DCLK2: variants seen among roughly 807,000 people sequenced by gnomAD.
The protein encoded by DCLK2 is doublecortin like kinase 2.
A neutral mutation model predicts 78.4 loss-of-function variants in DCLK2; 31 were observed. The observed-to-expected ratio is 0.40, with a 90% CI of 0.30 to 0.53. The LOEUF is 0.53. DCLK2 is among the 20% of genes least tolerant of loss of function. The pLI is 0.61. For synonymous variants in DCLK2, 407 were observed against 374.9 expected, an observed-to-expected ratio of 1.09 and a Z score of -0.99; for missense variants, 872 against 973.7, an observed-to-expected ratio of 0.90 and a Z score of 1.39.
Position 150,222,824 on chromosome 4 carries a change from C to T in DCLK2, c.1241+1039C>T, listed in dbSNP as rs1398939445. On this transcript the variant is annotated intron_variant, in intron 7 of 15. Coordinates refer to ENST00000296550, the MANE Select transcript of DCLK2 (RefSeq NM_001040260.4). Reference sequence around the variant, plus strand: ...GAGGTTGCGGTGAGCCGAGATCGTGCCATTGCACTTCAGCCTGGGCAACAG... The same window carrying T: ...GAGGTTGCGGTGAGCCGAGATCGTGTCATTGCACTTCAGCCTGGGCAACAG... 2.0e-5 allele frequency among the ~76,000 whole-genome samples: 3 copies of T among 152,034 alleles called. 1 individual carries two copies. Among genetic ancestry groups the T allele is most frequent in the Non-Finnish European group, 4.4e-5 (3 of 67,988 alleles).
At chr4:150,160,984 G>A (rs968742979) in intron 2 of DCLK2, among the ~76,000 whole-genome samples, 7 of 152,032 alleles carry the variant, frequency 4.6e-5, no homozygotes, top group African/African-American at 1.5e-4. Context: ...ATCTGTCCCT[G>A]TAACTTAAAA....
chr4:150,196,210 C>T (rs1192686340), intron 3 of DCLK2, among the ~76,000 whole-genome samples: 1 of 152,150 alleles, frequency 6.6e-6, no homozygotes, highest in Non-Finnish European at 1.5e-5. Context: ...GTAACTACAT[C>T]CTCGATTAAT....
At chr4:150,125,955 T>C (rs1732895062) in intron 2 of DCLK2, among the ~76,000 whole-genome samples, 1 of 141,810 alleles carries the variant, frequency 7.1e-6, no homozygotes, top group Non-Finnish European at 1.5e-5. Context: ...TATAAAATAA[T>C]ATAAAAAGAA....
chr4:150,248,168 C>T (rs758416002), intron 13 of DCLK2, 137 bp from the exon 14 acceptor site: 3 of 675,860 alleles, frequency 4.4e-6, no homozygotes, highest in South Asian at 3.7e-5. Context: ...TAGGTATAAT[C>T]ACGTTTAGGT....
intron 2 of DCLK2, among the ~76,000 whole-genome samples, chr4:150,135,608 G>A (rs1733635593): frequency 1.3e-5 from 2 of 152,138 alleles, no homozygotes; most frequent in African/African-American, 2.4e-5. Flanking sequence ...TGATGTAAAA[G>A]GGGCACCTAA....
At chr4:150,151,289 G>T (rs926955651) in intron 2 of DCLK2, among the ~76,000 whole-genome samples, 24 of 152,150 alleles carry the variant, frequency 1.6e-4, no homozygotes, top group Admixed American at 1.3e-4. Flanking sequence ...ATTTGCAGAG[G>T]ACTCAGTGAA....
At chr4:150,154,363 C>T (rs952451886) in intron 2 of DCLK2, among the ~76,000 whole-genome samples, 13 of 152,134 alleles carry the variant, frequency 8.5e-5, no homozygotes, top group African/African-American at 2.9e-4. Flanking sequence ...AGGAATCTTG[C>T]TATGTATTAG....
chr4:150,129,669 A>G (rs1348561027), intron 2 of DCLK2, among the ~76,000 whole-genome samples: 2 of 151,896 alleles, frequency 1.3e-5, no homozygotes, highest in African/African-American at 4.8e-5. Context: ...GCAGTGAGCC[A>G]AGATTACGCC....
chr4:150,189,101 A>T (rs1207517017), intron 2 of DCLK2, among the ~76,000 whole-genome samples: 1 of 152,170 alleles, frequency 6.6e-6, no homozygotes, highest in African/African-American at 2.4e-5. Context: ...TCAATTAAAA[A>T]TTAACTGATT....
At chr4:150,153,652 C>T (rs7662889) in intron 2 of DCLK2, among the ~76,000 whole-genome samples, 45,321 of 151,536 alleles carry the variant, frequency 0.3, 6,885 homozygotes, top group East Asian at 0.34. Context: ...TGGGCTCAAG[C>T]GATCCTCCTT....
At chr4:150,219,332 G>A (rs1263684250) in intron 5 of DCLK2, among the ~76,000 whole-genome samples, 6 of 134,512 alleles carry the variant, frequency 4.5e-5, no homozygotes, top group African/African-American at 1.4e-4. Context: ...ACAGTGGTAC[G>A]ATCTCAGCTC....
intron 2 of DCLK2, among the ~76,000 whole-genome samples, chr4:150,182,021 T>C (rs1381652723): frequency 6.6e-6 from 1 of 152,112 alleles, no homozygotes; most frequent in Non-Finnish European, 1.5e-5. Flanking sequence ...ATTTCAGATA[T>C]GGTTTCCCTG....
chr4:150,087,179 C>T (rs945350304), intron 1 of DCLK2, among the ~76,000 whole-genome samples: 15 of 152,124 alleles, frequency 9.9e-5, no homozygotes, highest in Non-Finnish European at 8.8e-5. Flanking sequence ...TCCTTATAGA[C>T]TAAAGGAATG....
intron 10 of DCLK2, among the ~76,000 whole-genome samples, chr4:150,237,157 A>G (rs1209744788): frequency 6.6e-6 from 1 of 152,166 alleles, no homozygotes; most frequent in Non-Finnish European, 1.5e-5. Context: ...TGTGCTTATA[A>G]CATTCTTATC....
chr4:150,240,211 C>CTG, intron 11 of DCLK2, among the ~76,000 whole-genome samples, 188 bp from the exon 12 acceptor site: 1 of 152,324 alleles, frequency 6.6e-6, no homozygotes, highest in East Asian at 1.9e-4. Context: ...GTCACCAAGA[C>CTG]TGTGGTTAGG....
intron 5 of DCLK2, among the ~76,000 whole-genome samples, chr4:150,206,956 A>AT (rs982467053): frequency 5.9e-5 from 9 of 151,512 alleles, no homozygotes; most frequent in East Asian, 1.9e-4. Context: ...GCACCAGCTT[A>AT]TTTTTTTTTA....
intron 10 of DCLK2, among the ~76,000 whole-genome samples, chr4:150,238,779 C>T (rs1050692785): frequency 5.9e-5 from 9 of 152,168 alleles, no homozygotes; most frequent in Non-Finnish European, 1.3e-4. Flanking sequence ...GAAATGTGCT[C>T]AGAGAGGTTA....
chr4:150,140,833 A>G (rs1734060820), intron 2 of DCLK2, among the ~76,000 whole-genome samples: 1 of 152,244 alleles, frequency 6.6e-6, no homozygotes, highest in Admixed American at 6.5e-5. Context: ...TATGTACTAG[A>G]TTATAACTAA....
rs1293889860 is a variant in DCLK2, at chr4:150,158,485, T to C, written c.757-34653T>C. ...ACTGCCCCTTTGAGAATGCATGAGC[T>C]AATTGATAAAGGTTACTCTCTATTT... On this transcript the variant is annotated intron_variant, in intron 2 of 15. Transcript: ENST00000296550. Among the ~76,000 whole-genome samples, 10 of 152,220 alleles carry C rather than the reference T, an allele frequency of 6.6e-5. No individual in the cohort carries two copies. In the East Asian group the frequency reaches 1.7e-3, roughly 26 times the overall value.
Sources: gnomAD v4.1 joint callset for allele counts (sites outside exome capture counted in the v4.1 genomes callset) on GRCh38, gnomAD v4.1.1 for gene constraint, MANE v1.5 for transcripts, NCBI Gene and HGNC (gene_info 2026-07-23, HGNC 2026-07-21) for gene names.